The following ADGRV1 variants were observed in gnomAD, a reference collection of about 807,000 sequenced individuals.
ADGRV1 encodes the protein G-protein coupled receptor 98.
In ADGRV1, 359 loss-of-function variants were observed where a neutral mutation model predicts 596.2. That is an observed-to-expected ratio of 0.60 (90% confidence interval 0.55 to 0.66). The LOEUF is 0.66. Ranked by LOEUF, ADGRV1 falls within the 30% of genes least tolerant of loss-of-function variation. ADGRV1 has a pLI of 0.00. For missense variants in ADGRV1, 7,274 were observed against 7,575.6 expected, an observed-to-expected ratio of 0.96 and a Z score of 1.48; for synonymous variants, 2,681 against 2,679.2, an observed-to-expected ratio of 1.00 and a Z score of -0.02.
chr5:91,138,616 A>T (rs550782822), intron 87 of ADGRV1, among the ~76,000 whole-genome samples: 1 of 152,144 alleles, frequency 6.6e-6, no homozygotes, highest in Non-Finnish European at 1.5e-5. Flanking sequence ...TTGACAGTAT[A>T]TATGCTGGAA....
chr5:91,060,398 A>ATTTTT (rs1554210690), intron 85 of ADGRV1, among the ~76,000 whole-genome samples: 1,197 of 60,466 alleles, frequency 0.02, 27 homozygotes, highest in African/African-American at 0.054. Flanking sequence ...ATATATATAT[A>ATTTTT]TTTTTTTTTT....
intron 85 of ADGRV1, among the ~76,000 whole-genome samples, chr5:91,009,578 A>G (rs1304552969): frequency 6.6e-6 from 1 of 152,142 alleles, no homozygotes; most frequent in Non-Finnish European, 1.5e-5. Flanking sequence ...TCTGTCTATA[A>G]CAGACATTTA....
intron 85 of ADGRV1, among the ~76,000 whole-genome samples, chr5:91,031,565 G>C (rs1422419946): frequency 6.6e-6 from 1 of 152,192 alleles, no homozygotes; most frequent in Non-Finnish European, 1.5e-5. Context: ...AGAACCTTGT[G>C]ACTGTGGCAG....
intron 1 of ADGRV1, among the ~76,000 whole-genome samples, chr5:90,605,536 A>G (rs1561370566): frequency 6.6e-6 from 1 of 152,060 alleles, no homozygotes; most frequent in Non-Finnish European, 1.5e-5. Context: ...GTACTGCATT[A>G]TTGTTCATGG....
intron 83 of ADGRV1, among the ~76,000 whole-genome samples, chr5:90,937,814 T>C (rs1021007403): frequency 2.0e-5 from 3 of 152,338 alleles, no homozygotes; most frequent in East Asian, 1.9e-4. Flanking sequence ...CCTATTCTTA[T>C]TTCACTTCTG....
intron 85 of ADGRV1, among the ~76,000 whole-genome samples, chr5:91,019,976 C>T (rs1201475412): frequency 6.6e-6 from 1 of 152,018 alleles, no homozygotes; most frequent in Non-Finnish European, 1.5e-5. Flanking sequence ...TTAAAATTTT[C>T]ACCCAATAAT....
At chr5:90,595,824 G>A (rs1760406024) in intron 1 of ADGRV1, among the ~76,000 whole-genome samples, 2 of 148,400 alleles carry the variant, frequency 1.3e-5, no homozygotes, top group Admixed American at 1.3e-4. Flanking sequence ...CGGGGCAGCT[G>A]GCCGGGTGGG....
chr5:90,676,320 G>T, intron 25 of ADGRV1, 111 bp downstream of exon 25: 2 of 974,238 alleles, frequency 2.1e-6, no homozygotes, highest in Non-Finnish European at 2.9e-6. Context: ...TTAAATAAAT[G>T]AATAAATTAT....
chr5:91,083,135 G>A (rs777181598), intron 86 of ADGRV1, among the ~76,000 whole-genome samples: 1 of 151,292 alleles, frequency 6.6e-6, no homozygotes, highest in East Asian at 1.9e-4. Context: ...GCAAAGTGTC[G>A]CAAGGACAGA....
At position 90,863,931 on chromosome 5, in the gene ADGRV1, G is replaced by A. The variant is rs557416566; in HGVS notation, c.17856+74G>A. 7.3e-6 allele frequency: 7 copies of A among 963,988 alleles called. No homozygotes were observed. In the South Asian group the frequency reaches 1.0e-4, roughly 14 times the overall value. The allele number at this position is 963,988 out of a possible 1,614,324, so 59.7% of individuals were successfully genotyped here. A position where few individuals can be genotyped will look rare whatever the true frequency, so the allele number is the denominator to read the frequency against. The stretch of plus-strand genomic sequence containing the variant: ...TTCTTCTTTGGTTCTTGAACTGAGT[G>A]TAAAAGTAAAGTTTAATCTCAACTT... On this transcript the variant is annotated intron_variant, in intron 83 of 89. Coordinates refer to ENST00000405460, the MANE Select transcript of ADGRV1 (RefSeq NM_032119.4).
intron 69 of ADGRV1, 77 bp downstream of exon 69, chr5:90,789,928 G>A (rs1759883121): frequency 9.5e-7 from 1 of 1,055,940 alleles, no homozygotes. Flanking sequence ...GAAACTGCAT[G>A]TTCTAGTTAA....
chr5:91,153,319 T>A lies in ADGRV1; in HGVS notation c.18723T>A (p.Ser6241=). The change falls in exon 89 of 90, where the codon TCT becomes TCA. Residue 6241 remains serine (S), a synonymous_variant. Coordinates refer to ENST00000405460, the MANE Select transcript of ADGRV1 (RefSeq NM_032119.4). ...SPQNGATFPS[S]GGYGQGSLIA... is the part of the protein sequence containing the mutation. ...AAAATGGAGCCACGTTCCCGTCCTC[T>A]GGAGGATATGGCCAGGGGTCACTGA... The A allele has an allele frequency of 6.2e-7, 1 of 1,612,734 alleles. No homozygotes were observed. The highest frequency in any genetic ancestry group is 8.5e-7 in the Non-Finnish European group (1 of 1,179,424).
intron 6 of ADGRV1, among the ~76,000 whole-genome samples, chr5:90,626,899 G>A (rs1003135190): frequency 6.6e-6 from 1 of 152,200 alleles, no homozygotes; most frequent in Non-Finnish European, 1.5e-5. Flanking sequence ...TGATAGAAAT[G>A]TATGACAGTT....
At chr5:90,718,317 A>G (rs568675182) in intron 43 of ADGRV1, 31 of 152,300 alleles carry the variant, frequency 2.0e-4, no homozygotes, top group Non-Finnish European at 3.4e-4. Context: ...TCAGAACTTC[A>G]TTCCCTTTTC....
chr5:90,778,643 TTTTTA>T (rs754696031), intron 63 of ADGRV1, 34 bp downstream of exon 63: 6 of 1,449,478 alleles, frequency 4.1e-6, no homozygotes, highest in Non-Finnish European at 5.5e-6. Flanking sequence ...TTTAATATCA[TTTTTA>T]TTTTTAGATA....
rs759916742 is a variant in ADGRV1 at position 90,672,727 on chromosome 5, A to T, written c.4929+5A>T. On this transcript the variant is annotated splice_donor_5th_base_variant and intron_variant, in intron 22 of 89. Coordinates refer to ENST00000405460, the MANE Select transcript of ADGRV1 (RefSeq NM_032119.4). ...CTTCCTTGGCAGAGATCAGAGGTAAACCCTACCTTTTTTGTTCCTTTGAAA... is the reference window on the plus strand; with the variant it reads ...CTTCCTTGGCAGAGATCAGAGGTAATCCCTACCTTTTTTGTTCCTTTGAAA... 9 of 1,584,638 alleles carry T rather than the reference A, an allele frequency of 5.7e-6. No homozygotes were observed. The South Asian group carries it at 1.1e-4, about 18-fold the overall frequency.
At chr5:90,756,840 A>T in intron 56 of ADGRV1, 139 bp from the exon 57 acceptor site, 1 of 767,244 alleles carries the variant, frequency 1.3e-6, no homozygotes, top group East Asian at 2.7e-5. Flanking sequence ...AAGACCTTTT[A>T]TGCATACTTA....
chr5:90,729,129 T>G (rs2149815305), intron 49 of ADGRV1, among the ~76,000 whole-genome samples, 196 bp downstream of exon 49: 1 of 152,334 alleles, frequency 6.6e-6, no homozygotes, highest in South Asian at 2.1e-4. Context: ...TAATCTTGTG[T>G]TCTGACTACT....
intron 70 of ADGRV1, among the ~76,000 whole-genome samples, chr5:90,801,723 T>C (rs1761396981): frequency 6.6e-6 from 1 of 152,146 alleles, no homozygotes; most frequent in African/African-American, 2.4e-5. Flanking sequence ...TGGTTGATTT[T>C]TACATTCAAT....
Sources: gnomAD v4.1 joint callset for allele counts (sites outside exome capture counted in the v4.1 genomes callset) on GRCh38, gnomAD v4.1.1 for gene constraint, MANE v1.5 for transcripts, NCBI Gene and HGNC (gene_info 2026-07-23, HGNC 2026-07-21) for gene names.